The following OPCML variants were observed in gnomAD, a reference collection of about 807,000 sequenced individuals.
OPCML encodes opioid binding protein/cell adhesion molecule like, also known as opioid-binding protein/cell adhesion molecule.
A neutral mutation model predicts 37.8 loss-of-function variants in OPCML; 13 were observed. That is an observed-to-expected ratio of 0.34 (90% confidence interval 0.22 to 0.55). The LOEUF is 0.55. Among genes scored for constraint, OPCML ranks in the 20% least tolerant of loss-of-function variants. OPCML has a pLI of 0.91. For synonymous variants in OPCML, 176 were observed against 168.8 expected (o/e 1.04, Z -0.33); for missense variants, 341 against 435.6 (o/e 0.78, Z 1.93).
chr11:133,291,528 T>C (rs1942474416), intron 1 of OPCML, among the ~76,000 whole-genome samples: 1 of 152,226 alleles, frequency 6.6e-6, no homozygotes, highest in East Asian at 1.9e-4. Flanking sequence ...ACCGTCCTCC[T>C]AGAAAGGCAG....
intron 1 of OPCML, among the ~76,000 whole-genome samples, chr11:133,290,277 A>G (rs1249338923): frequency 6.6e-6 from 1 of 152,188 alleles, no homozygotes; most frequent in Admixed American, 6.5e-5. Context: ...TAGAGTTGCC[A>G]TAGTTTCGTT....
intron 1 of OPCML, among the ~76,000 whole-genome samples, chr11:132,997,618 A>T (rs1215323425): frequency 6.6e-6 from 1 of 152,154 alleles, no homozygotes; most frequent in Non-Finnish European, 1.5e-5. Context: ...AGACCCGTGG[A>T]TGGTGGTGGG....
intron 1 of OPCML, among the ~76,000 whole-genome samples, chr11:133,386,858 A>G (rs1299125518): frequency 6.6e-6 from 1 of 152,170 alleles, no homozygotes; most frequent in Non-Finnish European, 1.5e-5. Flanking sequence ...GGGACAGAGC[A>G]CGGTGACACT....
intron 1 of OPCML, among the ~76,000 whole-genome samples, chr11:133,231,145 T>C (rs1261653811): frequency 2.0e-5 from 3 of 152,196 alleles, no homozygotes; most frequent in Non-Finnish European, 4.4e-5. Flanking sequence ...ACATACGATA[T>C]GATTTTCCTT....
chr11:133,123,448 C>G (rs1035213431), intron 1 of OPCML, among the ~76,000 whole-genome samples: 1 of 152,128 alleles, frequency 6.6e-6, no homozygotes, highest in Non-Finnish European at 1.5e-5. Flanking sequence ...AAATGACAAC[C>G]CATAAACACA....
chr11:132,964,879 T>G (rs965052259), intron 1 of OPCML, among the ~76,000 whole-genome samples: 2 of 152,180 alleles, frequency 1.3e-5, no homozygotes, highest in African/African-American at 4.8e-5. Flanking sequence ...AGAAAGTTTA[T>G]GTGAGTTGCC....
chr11:133,274,189 G>A (rs1422852390), intron 1 of OPCML, among the ~76,000 whole-genome samples: 1 of 152,106 alleles, frequency 6.6e-6, no homozygotes, highest in East Asian at 1.9e-4. Context: ...CACTTGTCAT[G>A]GGTTGAATTG....
In OPCML at chr11:132,901,716, C is replaced by A. The variant is rs75386893; in HGVS notation, c.146+41210G>T. Among the ~76,000 whole-genome samples, 755 of 152,230 alleles carry A rather than the reference C, an allele frequency of 5.0e-3. 8 individuals carry two copies. Among genetic ancestry groups the A allele is most frequent in the Non-Finnish European group, 8.8e-3 (602 of 68,026 alleles). On this transcript the variant is annotated intron_variant, in intron 2 of 7. Coordinates refer to ENST00000524381, the MANE Select transcript of OPCML (RefSeq NM_001012393.5). Reference sequence around the variant, plus strand: ...CTTTTCACCTTGCCTCTCTATATTTCTCTGCGACAGCAGTAGAATCATCAG... The same window carrying A: ...CTTTTCACCTTGCCTCTCTATATTTATCTGCGACAGCAGTAGAATCATCAG...
At position 133,335,048 on chromosome 11, in the gene OPCML, C is replaced by T. The variant is rs557312195; in HGVS notation, c.61+197216G>A. On this transcript the variant is annotated intron_variant, in intron 1 of 7. Transcript: ENST00000524381. ...TGACATGTTGGGCTGGCTACTTTGCCGGGGGCTGTCCCATGCCTGTGTTTA... is the reference window on the plus strand; with the variant it reads ...TGACATGTTGGGCTGGCTACTTTGCTGGGGGCTGTCCCATGCCTGTGTTTA... 2.1e-4 allele frequency among the ~76,000 whole-genome samples: 32 copies of T among 152,262 alleles called. No individual in the cohort carries two copies. In the South Asian group the frequency reaches 5.8e-3, roughly 28 times the overall value.
intron 4 of OPCML, among the ~76,000 whole-genome samples, chr11:132,462,446 A>C (rs1390415606): frequency 6.6e-6 from 1 of 152,172 alleles, no homozygotes; most frequent in Non-Finnish European, 1.5e-5. Context: ...CACACAGGAG[A>C]TCACAGGAAA....
chr11:132,856,239 A>G (rs1444773875), intron 2 of OPCML, among the ~76,000 whole-genome samples: 2 of 152,212 alleles, frequency 1.3e-5, no homozygotes, highest in Non-Finnish European at 2.9e-5. Flanking sequence ...TTGAAGCATA[A>G]TCAATAATAT....
At chr11:132,896,597 T>A (rs1943856774) in intron 2 of OPCML, among the ~76,000 whole-genome samples, 1 of 152,244 alleles carries the variant, frequency 6.6e-6, no homozygotes. Context: ...AGGCCAGCAA[T>A]ACACCCTCAC....
intron 1 of OPCML, among the ~76,000 whole-genome samples, chr11:132,948,575 G>GT (rs975195689): frequency 2.6e-5 from 4 of 152,126 alleles, no homozygotes; most frequent in African/African-American, 4.8e-5. Context: ...TCACAGGCAA[G>GT]TTTTTTATCA....
At chr11:133,331,209 G>T (rs1386086562) in intron 1 of OPCML, among the ~76,000 whole-genome samples, 1 of 152,194 alleles carries the variant, frequency 6.6e-6, no homozygotes, top group Non-Finnish European at 1.5e-5. Context: ...AGTCAGAACT[G>T]AAACCAAACC....
At chr11:133,517,263 T>C (rs1258989099) in intron 1 of OPCML, among the ~76,000 whole-genome samples, 1 of 152,252 alleles carries the variant, frequency 6.6e-6, no homozygotes, top group Non-Finnish European at 1.5e-5. Flanking sequence ...AAAATATGTG[T>C]AGTGATTATA....
chr11:133,484,809 T>A (rs192136072), intron 1 of OPCML, among the ~76,000 whole-genome samples: 22 of 151,952 alleles, frequency 1.4e-4, no homozygotes, highest in African/African-American at 5.1e-4. Flanking sequence ...AGTTGTTACA[T>A]TAAAATATAA....
At chr11:133,353,085 T>G (rs1944178318) in intron 1 of OPCML, among the ~76,000 whole-genome samples, 1 of 152,248 alleles carries the variant, frequency 6.6e-6, no homozygotes, top group Admixed American at 6.5e-5. Context: ...GTTAAAGGTT[T>G]CATTCTCTTC....
In OPCML at chr11:132,723,956, G is replaced by T. The variant is rs930174345; in HGVS notation, c.147-66637C>A. Among the ~76,000 whole-genome samples the T allele has an allele frequency of 5.3e-5, 8 of 152,308 alleles. No individual in the cohort carries two copies. In the East Asian group the frequency reaches 1.5e-3, roughly 29 times the overall value. Reference sequence around the variant, plus strand: ...TGCATGGCAGAGATGGCCATGTGGGGTTCTTAAGCAAATAAAGCCTAAGAC... The same window carrying T: ...TGCATGGCAGAGATGGCCATGTGGGTTTCTTAAGCAAATAAAGCCTAAGAC... On this transcript the variant is annotated intron_variant, in intron 2 of 7. Coordinates refer to ENST00000524381, the MANE Select transcript of OPCML (RefSeq NM_001012393.5).
At chr11:133,113,597 A>C (rs752644880) in intron 1 of OPCML, among the ~76,000 whole-genome samples, 9 of 152,242 alleles carry the variant, frequency 5.9e-5, no homozygotes, top group Non-Finnish European at 1.3e-4. Flanking sequence ...GTTCAGAAAG[A>C]AAGCAAGGAA....
Sources: allele counts gnomAD v4.1 joint callset (sites outside exome capture counted in the v4.1 genomes callset), GRCh38; gene constraint gnomAD v4.1.1; transcripts MANE v1.5; gene names NCBI Gene and HGNC (gene_info 2026-07-23, HGNC 2026-07-21).